VWA8: variants seen among roughly 807,000 people sequenced by gnomAD.
VWA8 encodes the protein von Willebrand factor A domain-containing protein 8.
A neutral mutation model predicts 241.5 loss-of-function variants in VWA8; 221 were observed. The ratio of observed to expected loss-of-function variants is 0.91; its 90% CI spans 0.82 to 1.02. VWA8 has a LOEUF of 1.02. Ranked by LOEUF, VWA8 falls within the 50% of genes least tolerant of loss-of-function variation. The probability of loss-of-function intolerance (pLI) is 0.00; values close to 1 mark genes in which losing one functional copy is unlikely to be tolerated. For missense variants in VWA8, 2,322 were observed against 2,328.7 expected, an observed-to-expected ratio of 1.00 and a Z score of 0.06; for synonymous variants, 852 against 827.1, an observed-to-expected ratio of 1.03 and a Z score of -0.52.
intron 4 of VWA8, 101 bp downstream of exon 4, chr13:41,907,485 T>A: frequency 1.0e-6 from 1 of 975,662 alleles, no homozygotes; most frequent in Non-Finnish European, 1.6e-6. Context: ...ACAATACAAC[T>A]ACCTTTTACT....
chr13:41,871,534 C>A (rs1165653110), intron 9 of VWA8, among the ~76,000 whole-genome samples: 1 of 152,080 alleles, frequency 6.6e-6, no homozygotes. Context: ...CCATTCCCAC[C>A]TATGAGTGAG....
chr13:41,795,706 A>G (rs1181472029), intron 17 of VWA8, among the ~76,000 whole-genome samples: 1 of 152,238 alleles, frequency 6.6e-6, no homozygotes, highest in African/African-American at 2.4e-5. Context: ...AGAGATCCAA[A>G]CACCACATGT....
intron 4 of VWA8, among the ~76,000 whole-genome samples, chr13:41,906,247 C>T (rs561678660): frequency 5.3e-5 from 8 of 152,190 alleles, no homozygotes; most frequent in South Asian, 2.1e-4. Context: ...TTAATTATAA[C>T]GTAACAGTGT....
chr13:41,891,718 G>T, intron 4 of VWA8, 131 bp from the exon 5 acceptor site: 1 of 1,006,236 alleles, frequency 9.9e-7, no homozygotes, highest in Non-Finnish European at 1.4e-6. Flanking sequence ...CTGAGTTCCA[G>T]ATCTTGTTTT....
chr13:41,600,758 C>G (rs950386994), intron 40 of VWA8, among the ~76,000 whole-genome samples: 1 of 152,086 alleles, frequency 6.6e-6, no homozygotes. Flanking sequence ...CTTCCTGTGT[C>G]TCTTTCTGTC....
intron 27 of VWA8, among the ~76,000 whole-genome samples, chr13:41,702,633 A>G (rs1262373509): frequency 1.3e-5 from 2 of 152,188 alleles, no homozygotes; most frequent in African/African-American, 4.8e-5. Flanking sequence ...ACGTACTGCC[A>G]TGGCTGATTT....
At chr13:41,809,436 C>T (rs1360812772) in intron 17 of VWA8, among the ~76,000 whole-genome samples, 2 of 152,058 alleles carry the variant, frequency 1.3e-5, no homozygotes. Flanking sequence ...ATAGAGAACC[C>T]AGAAACAAAT....
intron 9 of VWA8, among the ~76,000 whole-genome samples, chr13:41,879,738 T>C (rs1874080517): frequency 6.6e-6 from 1 of 152,044 alleles, no homozygotes; most frequent in African/African-American, 2.4e-5. Flanking sequence ...TCATTATTAA[T>C]AGATACACAG....
At chr13:41,902,083 T>C (rs1467928917) in intron 4 of VWA8, among the ~76,000 whole-genome samples, 1 of 151,524 alleles carries the variant, frequency 6.6e-6, no homozygotes, top group East Asian at 1.9e-4. Flanking sequence ...TATTTTTAAA[T>C]AATGATGTGG....
chr13:41,907,807 C>T (rs764904533), intron 3 of VWA8, 111 bp from the exon 4 acceptor site: 33 of 860,468 alleles, frequency 3.8e-5, no homozygotes, highest in Non-Finnish European at 6.0e-5. Context: ...ATTGTTAAAC[C>T]TAATTTTGGG....
At chr13:41,644,051 T>TA (rs1184683030) in intron 37 of VWA8, among the ~76,000 whole-genome samples, 1 of 152,172 alleles carries the variant, frequency 6.6e-6, no homozygotes, top group East Asian at 1.9e-4. Context: ...TTTCTCCTGT[T>TA]AAGTTCATAC....
intron 1 of VWA8, among the ~76,000 whole-genome samples, chr13:41,953,756 C>T (rs575328882): frequency 6.6e-6 from 1 of 152,014 alleles, no homozygotes; most frequent in Non-Finnish European, 1.5e-5. Flanking sequence ...TTGCAGTGAG[C>T]CGAGATAGCG....
intron 37 of VWA8, among the ~76,000 whole-genome samples, chr13:41,632,668 T>C (rs2044733309): frequency 6.6e-6 from 1 of 152,204 alleles, no homozygotes; most frequent in Non-Finnish European, 1.5e-5. Context: ...CCTACAACTG[T>C]TGGTTTACCA....
intron 10 of VWA8, among the ~76,000 whole-genome samples, chr13:41,867,701 T>C (rs1873377172): frequency 6.6e-6 from 1 of 152,112 alleles, no homozygotes; most frequent in African/African-American, 2.4e-5. Context: ...ATATTAATAA[T>C]ATCAAATATT....
chr13:41,947,954 C>CA (rs1169518183), intron 2 of VWA8, among the ~76,000 whole-genome samples: 4 of 63,508 alleles, frequency 6.3e-5, no homozygotes, highest in Non-Finnish European at 1.3e-4. Flanking sequence ...AAAAAAAAAA[C>CA]AAAACAAAAC....
intron 42 of VWA8, among the ~76,000 whole-genome samples, chr13:41,577,244 T>C (rs1451119030): frequency 6.6e-6 from 1 of 152,020 alleles, no homozygotes; most frequent in Non-Finnish European, 1.5e-5. Flanking sequence ...GGGGGTGAGA[T>C]GGTGGGAGAT....
intron 41 of VWA8, among the ~76,000 whole-genome samples, chr13:41,588,722 GA>G (rs35503733): frequency 0.12 from 11,216 of 96,610 alleles, 479 homozygotes; most frequent in African/African-American, 0.16. Context: ...CCTGTCTCTA[GA>G]AAAAAAAAAA....
rs571745229 is a variant in VWA8, at chr13:41,772,110, G to A, written c.2349+5875C>T. Among the ~76,000 whole-genome samples the A allele has an allele frequency of 2.1e-3, 313 of 149,206 alleles. 3 individuals carry two copies. The highest frequency in any genetic ancestry group is 7.1e-3 in the African/African-American group (289 of 40,468). On this transcript the variant is annotated intron_variant, in intron 20 of 44. Transcript: ENST00000379310. ...TCTCCATGTTGGTCAGGCTGGTCTC[G>A]GACTCCCTACCTCAGGTGATCCGCC...
chr13:41,888,311 C>T (rs1195339242), intron 5 of VWA8, among the ~76,000 whole-genome samples: 1 of 152,154 alleles, frequency 6.6e-6, no homozygotes, highest in Non-Finnish European at 1.5e-5. Context: ...CTGAGAGAAA[C>T]GTCCACGGCT....
Sources: allele counts gnomAD v4.1 joint callset (sites outside exome capture counted in the v4.1 genomes callset), GRCh38; gene constraint gnomAD v4.1.1; transcripts MANE v1.5; gene names NCBI Gene and HGNC (gene_info 2026-07-23, HGNC 2026-07-21).